Variants in ALG6 observed in about 807,000 individuals in gnomAD.
The protein encoded by ALG6 is ALG6 alpha-1,3-glucosyltransferase.
A neutral mutation model predicts 66.6 loss-of-function variants in ALG6; 46 were observed. That is an observed-to-expected ratio of 0.69 (90% confidence interval 0.55 to 0.88). The LOEUF is 0.88. ALG6 is among the 40% of genes least tolerant of loss of function. The pLI is 0.00. For synonymous variants in ALG6, 185 were observed against 203.7 expected (o/e 0.91, Z 0.78); for missense variants, 505 against 586.8 (o/e 0.86, Z 1.44).
chr1:63,400,350 T>C (rs537934469), intron 3 of ALG6, among the ~76,000 whole-genome samples: 1 of 108,832 alleles, frequency 9.2e-6, no homozygotes, highest in Non-Finnish European at 1.8e-5. Context: ...TATATATATG[T>C]ATATATATAT....
chr1:63,389,434 CA>C (rs1195487358), intron 2 of ALG6, among the ~76,000 whole-genome samples: 1 of 152,132 alleles, frequency 6.6e-6, no homozygotes, highest in Non-Finnish European at 1.5e-5. Flanking sequence ...TTGATTTTAA[CA>C]AATTATTTCC....
chr1:63,388,077 C>T (rs369866333), intron 2 of ALG6, among the ~76,000 whole-genome samples: 17 of 152,196 alleles, frequency 1.1e-4, no homozygotes, highest in Admixed American at 1.3e-4. Context: ...CCACCATGCC[C>T]GGCTATTTTT....
chr1:63,403,094 CAAAAAAAAAA>C (rs1160526296), intron 4 of ALG6, among the ~76,000 whole-genome samples: 6 of 65,322 alleles, frequency 9.2e-5, no homozygotes, highest in Admixed American at 1.7e-4. Flanking sequence ...GACTCCATCT[CAAAAAAAAAA>C]AAAAAAAAAA....
At chr1:63,413,967 CA>C (rs1265187636) in intron 9 of ALG6, 93 bp from the exon 10 acceptor site, 31 of 946,726 alleles carry the variant, frequency 3.3e-5, no homozygotes, top group Non-Finnish European at 4.8e-5. Context: ...TTTCACATCT[CA>C]AAAAGTTTAT....
intron 5 of ALG6, among the ~76,000 whole-genome samples, chr1:63,405,938 A>G (rs1230427966): frequency 3.3e-5 from 5 of 152,098 alleles, no homozygotes; most frequent in African/African-American, 1.2e-4. Flanking sequence ...AACATTTAAA[A>G]AAGATTTTCT....
At chr1:63,368,308 C>A (rs1647793276) in intron 1 of ALG6, among the ~76,000 whole-genome samples, 1 of 152,082 alleles carries the variant, frequency 6.6e-6, no homozygotes, top group Admixed American at 6.5e-5. Flanking sequence ...CCACACAGGG[C>A]TCAGTAAAAT....
At chr1:63,396,709 C>A in intron 3 of ALG6, 112 bp downstream of exon 3, 1 of 925,600 alleles carries the variant, frequency 1.1e-6, no homozygotes, top group Non-Finnish European at 1.7e-6. Flanking sequence ...TCATCTCTTG[C>A]ATGCTGGTGC....
chr1:63,420,491 C>T (rs1198201620), intron 12 of ALG6, among the ~76,000 whole-genome samples: 4 of 152,158 alleles, frequency 2.6e-5, no homozygotes, highest in African/African-American at 9.7e-5. Flanking sequence ...TCATTTTTTA[C>T]AAATGCACCT....
chr1:63,389,469 A>C (rs1263051520), intron 2 of ALG6, among the ~76,000 whole-genome samples: 1 of 152,158 alleles, frequency 6.6e-6, no homozygotes, highest in African/African-American at 2.4e-5. Context: ...ATAGAATTCT[A>C]AATTCCTTCT....
intron 9 of ALG6, among the ~76,000 whole-genome samples, chr1:63,413,157 A>C (rs1449010436): frequency 6.6e-6 from 1 of 152,096 alleles, no homozygotes; most frequent in Non-Finnish European, 1.5e-5. Flanking sequence ...AGATTAGAAA[A>C]CTGAGGTCAA....
chr1:63,413,898 A>T (rs1644528959), intron 9 of ALG6, 163 bp from the exon 10 acceptor site: 2 of 572,914 alleles, frequency 3.5e-6, no homozygotes, highest in Admixed American at 5.6e-5. Context: ...GAGACAGTGT[A>T]TGCGTATATG....
intron 7 of ALG6, among the ~76,000 whole-genome samples, chr1:63,409,979 A>G (rs1312737178): frequency 6.6e-6 from 1 of 152,160 alleles, no homozygotes; most frequent in Non-Finnish European, 1.5e-5. Context: ...GAGTGGGGTA[A>G]GATTTGACTT....
At chr1:63,432,865 C>G (rs1644654530) in intron 14 of ALG6, among the ~76,000 whole-genome samples, 1 of 152,208 alleles carries the variant, frequency 6.6e-6, no homozygotes, top group Admixed American at 6.5e-5. Flanking sequence ...CTCCTGGGCC[C>G]AAGTGATCCT....
At chr1:63,409,818 C>T (rs928057437) in intron 7 of ALG6, among the ~76,000 whole-genome samples, 10 of 152,156 alleles carry the variant, frequency 6.6e-5, no homozygotes, top group Non-Finnish European at 1.0e-4. Context: ...CTGGCCACCA[C>T]GCATTGAGAT....
intron 14 of ALG6, among the ~76,000 whole-genome samples, chr1:63,430,521 A>G (rs945867536): frequency 1.3e-5 from 2 of 152,186 alleles, no homozygotes; most frequent in Admixed American, 1.3e-4. Context: ...CTCACCAACA[A>G]TGTGTGAGGG....
chr1:63,372,322 C>T (rs1157465012), intron 2 of ALG6, among the ~76,000 whole-genome samples: 1 of 151,920 alleles, frequency 6.6e-6, no homozygotes, highest in African/African-American at 2.4e-5. Flanking sequence ...AAAAATGAGA[C>T]AATAATATTA....
At chr1:63,397,247 G>A (rs989977628) in intron 3 of ALG6, among the ~76,000 whole-genome samples, 1 of 151,744 alleles carries the variant, frequency 6.6e-6, no homozygotes, top group Non-Finnish European at 1.5e-5. Flanking sequence ...GTGCAGTGGC[G>A]TGATCTCAGC....
chr1:63,379,131 A>G (rs1648223294), intron 2 of ALG6, among the ~76,000 whole-genome samples: 1 of 151,922 alleles, frequency 6.6e-6, no homozygotes, highest in Non-Finnish European at 1.5e-5. Flanking sequence ...TTGTTTCTTC[A>G]TGAGCTTAGT....
chr1:63,416,070 T>G lies in ALG6; in HGVS notation c.987+113T>G, dbSNP rs906809995. Reference sequence around the variant, plus strand: ...GTTGGGAAACAAGACATTCATTTATTTGGCAGACATTTATTGGATGTTTCC... The same window carrying G: ...GTTGGGAAACAAGACATTCATTTATGTGGCAGACATTTATTGGATGTTTCC... On this transcript the variant is annotated intron_variant, in intron 11 of 14. Coordinates refer to ENST00000263440, the MANE Select transcript of ALG6 (RefSeq NM_013339.4). 8 of 801,538 alleles carry G rather than the reference T, an allele frequency of 1.0e-5. No homozygotes were observed. The African/African-American group carries it at 1.4e-4, about 14-fold the overall frequency. 49.7% of individuals were successfully genotyped at this position (801,538 alleles called of 1,614,324 possible).
Sources: gnomAD v4.1 joint callset for allele counts (sites outside exome capture counted in the v4.1 genomes callset) on GRCh38, gnomAD v4.1.1 for gene constraint, MANE v1.5 for transcripts, NCBI Gene and HGNC (gene_info 2026-07-23, HGNC 2026-07-21) for gene names.